CUL4A: variants seen among roughly 807,000 people sequenced by gnomAD.
CUL4A encodes the protein cullin-4A.
In CUL4A, 16 loss-of-function variants were observed where a neutral mutation model predicts 95.5. The observed-to-expected ratio is 0.17, with a 90% CI of 0.11 to 0.25. The LOEUF is 0.25. CUL4A is among the 10% of genes least tolerant of loss of function. CUL4A has a pLI of 1.00. For synonymous variants in CUL4A, 380 were observed against 353.1 expected (o/e 1.08, Z -0.85); for missense variants, 610 against 937.0 (o/e 0.65, Z 4.56).
chr13:113,240,010 C>T (rs2041661486), intron 10 of CUL4A, among the ~76,000 whole-genome samples: 1 of 152,180 alleles, frequency 6.6e-6, no homozygotes, highest in South Asian at 2.1e-4. Context: ...CTTAAACTTT[C>T]ACTTTCATGT....
chr13:113,228,194 T>C, intron 4 of CUL4A, 149 bp downstream of exon 4: 2 of 649,574 alleles, frequency 3.1e-6, no homozygotes, highest in South Asian at 1.8e-5. Context: ...GCAGGGAAGG[T>C]GAACTCCTCA....
At chr13:113,254,234 T>C (rs1012291131) in intron 16 of CUL4A, among the ~76,000 whole-genome samples, 1 of 152,174 alleles carries the variant, frequency 6.6e-6, no homozygotes, top group Non-Finnish European at 1.5e-5. Flanking sequence ...GGCAAGTTGC[T>C]GCAGCACTAA....
rs544171694 is a variant in CUL4A, at chr13:113,237,797, A to G, written c.916+907A>G. Reference sequence around the variant, plus strand: ...TTTGGGTTCTACATTGTCAGATAATAGTATTATGGCTAATGAGATACTTAA... The same window carrying G: ...TTTGGGTTCTACATTGTCAGATAATGGTATTATGGCTAATGAGATACTTAA... On this transcript the variant is annotated intron_variant, in intron 9 of 19. Transcript: ENST00000375440. 1.7e-4 allele frequency among the ~76,000 whole-genome samples: 26 copies of G among 152,346 alleles called. No individual in the cohort carries two copies. The East Asian group carries it at 3.9e-3, about 23-fold the overall frequency.
At chr13:113,209,600 GGCGGGGC>G, upstream of CUL4A, 1 of 1,008,358 alleles carries the variant, frequency 9.9e-7, no homozygotes, top group African/African-American at 1.8e-5. Context: ...CGGCGCTCGG[GGCGGGGC>G]GCGGCGGTTC....
intron 18 of CUL4A, among the ~76,000 whole-genome samples, chr13:113,259,177 T>C: frequency 6.6e-6 from 1 of 152,260 alleles, no homozygotes; most frequent in Non-Finnish European, 1.5e-5. Context: ...TCGTTTTGTC[T>C]GCACCTTTTC....
chr13:113,265,827 TAGAC>T lies in CUL4A; in HGVS notation c.*2249_*2252del, dbSNP rs1468440793. The T allele has an allele frequency of 9.8e-5, 15 of 152,346 alleles. No homozygotes were observed. The highest frequency in any genetic ancestry group is 2.6e-4 in the African/African-American group (11 of 41,588). 9.4% of individuals were successfully genotyped at this position (152,346 alleles called of 1,614,324 possible). A position where few individuals can be genotyped will look rare whatever the true frequency, so the allele number is the denominator to read the frequency against. The stretch of plus-strand genomic sequence containing the variant: ...AAATCATTGAAAAAGAAACAGCACT[TAGAC>T]AGAAATGCTGTAAAAGTGGAAAGGA... On this transcript the variant is annotated 3_prime_UTR_variant, in exon 20 of 20. Transcript: ENST00000375440.
intron 10 of CUL4A, among the ~76,000 whole-genome samples, chr13:113,240,120 A>G (rs1311303627): frequency 6.6e-6 from 1 of 152,236 alleles, no homozygotes; most frequent in Admixed American, 6.5e-5. Context: ...CCTGTGCAGG[A>G]GAACGGCCCT....
chr13:113,249,662 G>A lies in CUL4A; in HGVS notation c.1639-3420G>A, dbSNP rs552934535. ...GGTCATGCAGTAACTTGAAGTTTAAGTTACTGAGGAATTGCCGGACTGTTT... is the reference window on the plus strand; with the variant it reads ...GGTCATGCAGTAACTTGAAGTTTAAATTACTGAGGAATTGCCGGACTGTTT... On this transcript the variant is annotated intron_variant, in intron 15 of 19. Transcript: ENST00000375440. 1.7e-4 allele frequency among the ~76,000 whole-genome samples: 26 copies of A among 152,334 alleles called. 1 individual carries two copies. The highest frequency in any genetic ancestry group is 4.1e-4 in the South Asian group (2 of 4,828).
intron 1 of CUL4A, 81 bp from the exon 2 acceptor site, chr13:113,209,892 G>T: frequency 8.2e-7 from 1 of 1,219,540 alleles, no homozygotes; most frequent in Non-Finnish European, 1.0e-6. Context: ...GGGGGCGCCG[G>T]GGCGCCGGCC....
chr13:113,253,539 C>CT (rs1396898607), intron 16 of CUL4A, among the ~76,000 whole-genome samples: 2 of 151,818 alleles, frequency 1.3e-5, no homozygotes, highest in Non-Finnish European at 2.9e-5. Context: ...CACTTTTTGA[C>CT]TAAGAGATTT....
chr13:113,210,679 C>T (rs1343671088), intron 2 of CUL4A, among the ~76,000 whole-genome samples: 6 of 152,096 alleles, frequency 3.9e-5, no homozygotes, highest in Non-Finnish European at 8.8e-5. Flanking sequence ...TATTTATAAG[C>T]GACTTTTTTT....
At chr13:113,212,187 T>C (rs1020105004) in intron 2 of CUL4A, among the ~76,000 whole-genome samples, 1 of 152,246 alleles carries the variant, frequency 6.6e-6, no homozygotes, top group Admixed American at 6.5e-5. Context: ...GAGTTTATTA[T>C]GTATTCTGGA....
At chr13:113,233,391 C>T (rs772733236) in intron 6 of CUL4A, 52 bp downstream of exon 6, 4 of 1,504,960 alleles carry the variant, frequency 2.7e-6, no homozygotes, top group Non-Finnish European at 2.7e-6. Context: ...GCTACTTGCA[C>T]CAGAATAAAT....
At chr13:113,260,175 G>C (rs1452729311) in intron 18 of CUL4A, among the ~76,000 whole-genome samples, 2 of 81,474 alleles carry the variant, frequency 2.5e-5, no homozygotes, top group Non-Finnish European at 5.0e-5. Context: ...CTGCACTCCA[G>C]CCTGGGTGAC....
At chr13:113,211,329 G>GTT (rs1333382181) in intron 2 of CUL4A, among the ~76,000 whole-genome samples, 2 of 152,234 alleles carry the variant, frequency 1.3e-5, no homozygotes, top group Non-Finnish European at 2.9e-5. Context: ...GTATACCACA[G>GTT]TTGTTTTATC....
rs1433656426 is a variant in CUL4A, at chr13:113,209,955, T to G, written c.149-18T>G. The stretch of plus-strand genomic sequence containing the variant: ...TCGCGGCGCGCCCTGAGCCGCCCGC[T>G]CTCCCTCCGCCCTGCAGACAGACCT... On this transcript the variant is annotated intron_variant, in intron 1 of 19. Coordinates refer to ENST00000375440, the MANE Select transcript of CUL4A (RefSeq NM_001008895.4). 6.7e-7 allele frequency: 1 copy of G among 1,481,874 alleles called. No individual in the cohort carries two copies. Among genetic ancestry groups the G allele is most frequent in the Non-Finnish European group, 9.0e-7 (1 of 1,117,204 alleles). The allele number at this position is 1,481,874 out of a possible 1,614,324, so 91.8% of individuals were successfully genotyped here. A position where few individuals can be genotyped will look rare whatever the true frequency, so the allele number is the denominator to read the frequency against.
intron 3 of CUL4A, among the ~76,000 whole-genome samples, chr13:113,227,482 G>C (rs1001662252): frequency 1.3e-5 from 2 of 152,184 alleles, no homozygotes; most frequent in Non-Finnish European, 2.9e-5. Flanking sequence ...CACCATTACC[G>C]TAGAGTGAGA....
rs751372836 is a variant in CUL4A, at chr13:113,235,152, A to G, written c.848+7A>G. 19 of 1,600,636 alleles carry G rather than the reference A, an allele frequency of 1.2e-5. No individual in the cohort carries two copies. Among genetic ancestry groups the G allele is most frequent in the Non-Finnish European group, 1.6e-5 (19 of 1,168,946 alleles). ...ACTTGGACCACAGCACACAGTAAGT[A>G]CCGTTTGCTCGCTGAGCGTTCGTAT... is the stretch of plus-strand genomic sequence containing the variant. On this transcript the variant is annotated splice_region_variant and intron_variant, in intron 8 of 19. Transcript: ENST00000375440.
chr13:113,252,920 A>G (rs538388894), intron 15 of CUL4A, among the ~76,000 whole-genome samples, 162 bp from the exon 16 acceptor site: 1 of 152,326 alleles, frequency 6.6e-6, no homozygotes, highest in Admixed American at 6.5e-5. Context: ...AAGTTCAAGG[A>G]TTGAGGACGT....
Sources: gnomAD v4.1 joint callset for allele counts (sites outside exome capture counted in the v4.1 genomes callset) on GRCh38, gnomAD v4.1.1 for gene constraint, MANE v1.5 for transcripts, NCBI Gene and HGNC (gene_info 2026-07-23, HGNC 2026-07-21) for gene names.